SLC36A1: variants seen among roughly 807,000 people sequenced by gnomAD.
SLC36A1 encodes the protein solute carrier family 36 member 1.
SLC36A1 carries 30 observed loss-of-function variants against 47.5 expected under a neutral mutation model. That is an observed-to-expected ratio of 0.63 (90% CI 0.47 to 0.86). The LOEUF is 0.86. Ranked by LOEUF, SLC36A1 falls within the 40% of genes least tolerant of loss-of-function variation. The pLI is 0.00. For synonymous variants in SLC36A1, 255 were observed against 249.7 expected (o/e 1.02, Z -0.20); for missense variants, 517 against 606.0 (o/e 0.85, Z 1.54).
At chr5:151,498,512 G>A in the SLC36A1 span, among the ~76,000 whole-genome samples, 3 of 152,292 alleles carry the variant, frequency 2.0e-5, no homozygotes, top group African/African-American at 7.2e-5. Context: ...CGTTTCCAAA[G>A]CGGTGAAGCC....
At chr5:151,347,077 A>C in the SLC36A1 span, among the ~76,000 whole-genome samples, 1 of 152,150 alleles carries the variant, frequency 6.6e-6, no homozygotes, top group Admixed American at 6.5e-5. Flanking sequence ...CAGTTTCCCC[A>C]CCTGTGCCTT....
intron 7 of SLC36A1, among the ~76,000 whole-genome samples, chr5:151,469,092 TAA>T (rs10709981): frequency 2.7e-4 from 40 of 149,072 alleles, no homozygotes; most frequent in South Asian, 8.4e-4. Flanking sequence ...AAGCATAACT[TAA>T]AAAAAAAAAT....
At chr5:151,386,167 C>T in the SLC36A1 span, among the ~76,000 whole-genome samples, 30 of 152,104 alleles carry the variant, frequency 2.0e-4, no homozygotes, top group Admixed American at 4.6e-4. Context: ...CATGAGCCAC[C>T]GCACCCGGCC....
intron 1 of SLC36A1, among the ~76,000 whole-genome samples, chr5:151,454,850 C>G (rs1340073698): frequency 6.6e-6 from 1 of 151,818 alleles, no homozygotes; most frequent in Non-Finnish European, 1.5e-5. Context: ...GTAGCTGGGA[C>G]TACAGGCGCC....
the SLC36A1 span, among the ~76,000 whole-genome samples, chr5:151,520,764 C>T: frequency 6.6e-6 from 1 of 152,232 alleles, no homozygotes; most frequent in East Asian, 1.9e-4. Context: ...TGAACCTGAG[C>T]TGTCTGAGTC....
chr5:151,531,633 C>A, the SLC36A1 span: 118 of 1,613,536 alleles, frequency 7.3e-5, no homozygotes, highest in South Asian at 1.1e-3. The surrounding 1 kb of genome is among the most constrained non-coding windows in gnomAD (Gnocchi z 5.7). Context: ...TCCCGCTGAC[C>A]ACGCGGTAGC....
the SLC36A1 span, among the ~76,000 whole-genome samples, chr5:151,397,230 C>T: frequency 6.6e-6 from 1 of 152,354 alleles, no homozygotes; most frequent in East Asian, 1.9e-4. Flanking sequence ...CTTCCCACCT[C>T]TGCCTTTAAG....
upstream of SLC36A1, among the ~76,000 whole-genome samples, chr5:151,435,740 TTAATC>T (rs1196042314): frequency 6.6e-6 from 1 of 151,598 alleles, no homozygotes; most frequent in African/African-American, 2.4e-5. Context: ...TAAGGGAAAA[TTAATC>T]TAAAAGAAAC....
intron 1 of SLC36A1, among the ~76,000 whole-genome samples, chr5:151,452,883 G>A (rs867471598): frequency 2.4e-4 from 33 of 139,814 alleles, no homozygotes; most frequent in African/African-American, 7.4e-4. Flanking sequence ...AAAAAAAAAA[G>A]AAGACAAAAA....
the SLC36A1 span, among the ~76,000 whole-genome samples, chr5:151,362,348 T>C: frequency 1.1e-4 from 16 of 152,040 alleles, no homozygotes; most frequent in South Asian, 2.1e-4. Context: ...CTTTAGTTTG[T>C]CTTCAAGCTT....
chr5:151,362,391 T>G, the SLC36A1 span, among the ~76,000 whole-genome samples: 18 of 40,060 alleles, frequency 4.5e-4, no homozygotes, highest in African/African-American at 2.7e-3. Flanking sequence ...TGATTCTTCT[T>G]TTTTTTTTTT....
chr5:151,539,813 A>C, the SLC36A1 span, among the ~76,000 whole-genome samples: 1 of 152,190 alleles, frequency 6.6e-6, no homozygotes, highest in African/African-American at 2.4e-5. Flanking sequence ...TACACACCCC[A>C]CTCAACATTT....
the SLC36A1 span, among the ~76,000 whole-genome samples, chr5:151,407,706 G>T: frequency 6.6e-6 from 1 of 152,228 alleles, no homozygotes; most frequent in Non-Finnish European, 1.5e-5. Flanking sequence ...GGGGTGTTGG[G>T]TCTGGGGATG....
the SLC36A1 span, among the ~76,000 whole-genome samples, chr5:151,536,603 G>C: frequency 6.6e-6 from 1 of 152,126 alleles, no homozygotes; most frequent in Non-Finnish European, 1.5e-5. Context: ...GCCTCTCCTG[G>C]CTACTCCTGG....
chr5:151,545,095 A>G, the SLC36A1 span: 36 of 1,614,050 alleles, frequency 2.2e-5, no homozygotes, highest in Non-Finnish European at 2.9e-5. Context: ...CATATGAAAC[A>G]TATCTGTGCC....
the SLC36A1 span, chr5:151,546,315 G>A: frequency 6.2e-7 from 1 of 1,613,158 alleles, no homozygotes; most frequent in Non-Finnish European, 8.5e-7. Flanking sequence ...GGGCATTGAT[G>A]TTGAAGAAAC....
At chr5:151,350,116 T>TCACCAC in the SLC36A1 span, among the ~76,000 whole-genome samples, 7 of 150,698 alleles carry the variant, frequency 4.6e-5, no homozygotes, top group East Asian at 1.9e-4. Flanking sequence ...CACCCTATCC[T>TCACCAC]CACCACCACC....
At chr5:151,366,910 C>A in the SLC36A1 span, among the ~76,000 whole-genome samples, 1 of 152,124 alleles carries the variant, frequency 6.6e-6, no homozygotes, top group Non-Finnish European at 1.5e-5. Context: ...AGTCTCAGAC[C>A]AGCAAGTTTT....
intron 6 of SLC36A1, 29 bp from the exon 7 acceptor site, chr5:151,467,670 AGAGGTGTT>A: frequency 6.5e-7 from 1 of 1,549,230 alleles, no homozygotes; most frequent in East Asian, 2.2e-5. Flanking sequence ...CTGTTGTTTG[AGAGGTGTT>A]TCCGTTTTCT....
Sources: allele counts gnomAD v4.1 joint callset (sites outside exome capture counted in the v4.1 genomes callset), GRCh38; gene constraint gnomAD v4.1.1; non-coding constraint Gnocchi (gnomAD v3.1); transcripts MANE v1.5; gene names NCBI Gene and HGNC (gene_info 2026-07-23, HGNC 2026-07-21).